MTSS1: variants seen among roughly 807,000 people sequenced by gnomAD.
MTSS1 encodes the protein MTSS I-BAR domain containing 1, also known as protein MTSS 1.
A neutral mutation model predicts 79.0 loss-of-function variants in MTSS1; 18 were observed. The ratio of observed to expected loss-of-function variants is 0.23; its 90% CI spans 0.16 to 0.34. The LOEUF is 0.34. MTSS1 is among the 10% of genes least tolerant of loss of function. The pLI, the probability that MTSS1 is intolerant of heterozygous loss-of-function variation, is 1.00. For synonymous variants in MTSS1, 341 were observed against 368.6 expected, an observed-to-expected ratio of 0.93 and a Z score of 0.86; for missense variants, 815 against 986.2, an observed-to-expected ratio of 0.83 and a Z score of 2.33.
At chr8:124,574,489 C>T in intron 6 of MTSS1, among the ~76,000 whole-genome samples, 1 of 152,172 alleles carries the variant, frequency 6.6e-6, no homozygotes, top group East Asian at 1.9e-4. Context: ...AATCCAGCCC[C>T]AAGTCTTTCT....
chr8:124,633,496 A>T (rs1168511479), intron 3 of MTSS1, among the ~76,000 whole-genome samples: 1 of 152,168 alleles, frequency 6.6e-6, no homozygotes, highest in Non-Finnish European at 1.5e-5. Flanking sequence ...TAGGCCGGGC[A>T]CAGTGGGTTT....
chr8:124,602,614 A>C (rs997115552), intron 3 of MTSS1, among the ~76,000 whole-genome samples: 3 of 152,212 alleles, frequency 2.0e-5, no homozygotes, highest in African/African-American at 7.2e-5. Flanking sequence ...GGCAAAACCC[A>C]AAAGGCTAGT....
chr8:124,645,243 T>C (rs750431734), intron 3 of MTSS1, among the ~76,000 whole-genome samples: 11 of 151,944 alleles, frequency 7.2e-5, no homozygotes, highest in Non-Finnish European at 1.3e-4. Flanking sequence ...GAAAAACAAT[T>C]AGCCAGCATG....
chr8:124,644,016 T>G (rs1818563530), intron 3 of MTSS1, among the ~76,000 whole-genome samples: 1 of 152,158 alleles, frequency 6.6e-6, no homozygotes, highest in Admixed American at 6.6e-5. Context: ...AGAAGCCAAC[T>G]GGAAGCACGC....
At chr8:124,634,704 CAA>C (rs56964029) in intron 3 of MTSS1, among the ~76,000 whole-genome samples, 34 of 146,488 alleles carry the variant, frequency 2.3e-4, no homozygotes, top group Admixed American at 6.8e-4. Context: ...CTTGTAGCTT[CAA>C]AAAAAAAAAA....
chr8:124,600,367 T>C (rs1317936544), intron 3 of MTSS1, among the ~76,000 whole-genome samples: 1 of 152,232 alleles, frequency 6.6e-6, no homozygotes, highest in Non-Finnish European at 1.5e-5. Flanking sequence ...TATAATTAAA[T>C]TATTTAACAA....
At chr8:124,601,708 G>T (rs1037140014) in intron 3 of MTSS1, among the ~76,000 whole-genome samples, 5 of 152,182 alleles carry the variant, frequency 3.3e-5, no homozygotes, top group Admixed American at 3.3e-4. Flanking sequence ...CACTCTGGCT[G>T]GACCGAGCAG....
At chr8:124,555,067 A>G (rs1823303052) in intron 13 of MTSS1, among the ~76,000 whole-genome samples, 1 of 152,160 alleles carries the variant, frequency 6.6e-6, no homozygotes, top group African/African-American at 2.4e-5. Flanking sequence ...CTGGTCTCGA[A>G]CTTCTGCAGC....
Position 124,613,366 on chromosome 8 carries a change from C to T in MTSS1, c.209-22131G>A, listed in dbSNP as rs188675802. Among the ~76,000 whole-genome samples the T allele has an allele frequency of 1.7e-3, 257 of 152,318 alleles. 5 individuals carry two copies. Among genetic ancestry groups the T allele is most frequent in the Admixed American group, 5.5e-3 (84 of 15,302 alleles). On this transcript the variant is annotated intron_variant, in intron 3 of 13. Transcript: ENST00000518547. ...TGCTGAGTGCCAGGCCCTGTGCACA[C>T]GTAGTCAGATCATCATGCAATTAAC...
At chr8:124,606,705 C>A (rs1240839678) in intron 3 of MTSS1, among the ~76,000 whole-genome samples, 1 of 151,900 alleles carries the variant, frequency 6.6e-6, no homozygotes, top group Non-Finnish European at 1.5e-5. Flanking sequence ...AGAGCCCTTC[C>A]CCCGAACATC....
intron 3 of MTSS1, among the ~76,000 whole-genome samples, chr8:124,667,560 C>T (rs1823331715): frequency 6.6e-6 from 1 of 152,146 alleles, no homozygotes; most frequent in Non-Finnish European, 1.5e-5. Context: ...AGGAGAATTG[C>T]TTGAACCCGG....
At chr8:124,713,203 G>C (rs1028130115) in intron 1 of MTSS1, among the ~76,000 whole-genome samples, 1 of 152,172 alleles carries the variant, frequency 6.6e-6, no homozygotes, top group Non-Finnish European at 1.5e-5. Flanking sequence ...CATGGACACA[G>C]AACATCTCTA....
At chr8:124,715,732 G>A (rs16899962) in intron 1 of MTSS1, among the ~76,000 whole-genome samples, 1,529 of 152,098 alleles carry the variant, frequency 0.01, 30 homozygotes, top group African/African-American at 0.036. Flanking sequence ...TTCTTGCCTG[G>A]CGAGAGGGCG....
chr8:124,624,171 T>C (rs1414696224), intron 3 of MTSS1, among the ~76,000 whole-genome samples: 3 of 152,196 alleles, frequency 2.0e-5, no homozygotes, highest in East Asian at 1.9e-4. Flanking sequence ...AAGACTCATA[T>C]AGGACAGAAG....
chr8:124,664,407 C>T (rs1486066917), intron 3 of MTSS1, among the ~76,000 whole-genome samples: 1 of 152,218 alleles, frequency 6.6e-6, no homozygotes, highest in Non-Finnish European at 1.5e-5. Flanking sequence ...AATTTGGTAG[C>T]ACCCAAGCAT....
chr8:124,631,808 C>A (rs975239300), intron 3 of MTSS1, among the ~76,000 whole-genome samples: 1 of 152,190 alleles, frequency 6.6e-6, no homozygotes, highest in Middle Eastern at 3.2e-3. Flanking sequence ...CAGAATCACA[C>A]CCACGGCCCT....
chr8:124,598,321 T>A (rs903643131), intron 3 of MTSS1, among the ~76,000 whole-genome samples: 1 of 152,086 alleles, frequency 6.6e-6, no homozygotes, highest in African/African-American at 2.4e-5. Context: ...AAAGGAATGA[T>A]CATTTTTTGT....
chr8:124,591,461 T>A (rs527523186), intron 3 of MTSS1, among the ~76,000 whole-genome samples: 41 of 152,384 alleles, frequency 2.7e-4, no homozygotes. Flanking sequence ...CACCAAAGGC[T>A]GCTCCTACTA....
intron 5 of MTSS1, 119 bp downstream of exon 5, chr8:124,589,501 T>C: frequency 2.9e-6 from 2 of 701,332 alleles, no homozygotes; most frequent in South Asian, 3.9e-5. Flanking sequence ...AGGGACAGAG[T>C]GGGCCCTTGG....
Sources: gnomAD v4.1 joint callset for allele counts (sites outside exome capture counted in the v4.1 genomes callset) on GRCh38, gnomAD v4.1.1 for gene constraint, MANE v1.5 for transcripts, NCBI Gene and HGNC (gene_info 2026-07-23, HGNC 2026-07-21) for gene names.